Variants in WDR72 observed in about 807,000 individuals in gnomAD.
The protein encoded by WDR72 is WD repeat domain 72.
A neutral mutation model predicts 124.2 loss-of-function variants in WDR72; 120 were observed. That is an observed-to-expected ratio of 0.97 (90% CI 0.83 to 1.12). The LOEUF (loss-of-function observed/expected upper bound fraction) is 1.12, where lower values mean the gene tolerates loss of function less well. Ranked by LOEUF, WDR72 falls within the 50% of genes most tolerant of loss-of-function variation. The probability of loss-of-function intolerance (pLI) is 0.00; values close to 1 mark genes in which losing one functional copy is unlikely to be tolerated. For missense variants in WDR72, 1,387 were observed against 1,278.8 expected, an observed-to-expected ratio of 1.08 and a Z score of -1.29; for synonymous variants, 452 against 441.7, an observed-to-expected ratio of 1.02 and a Z score of -0.29.
chr15:53,713,411 G>GTATTTTATTTTATTTTGTTTTATTT lies in WDR72; in HGVS notation c.592-521_592-520insAAATAAAACAAAATAAAATAAAATA, dbSNP rs1477955319. On this transcript the variant is annotated intron_variant, in intron 6 of 19. Transcript: ENST00000360509. ...GTATTTTATTTTATTTTATTTTGTT[G>GTATTTTATTTTATTTTGTTTTATTT]TATTTTATTTTATTTTATTTTATTT... 1.0e-3 allele frequency among the ~76,000 whole-genome samples: 89 copies of GTATTTTATTTTATTTTGTTTTATTT among 88,694 alleles called. 2 individuals carry two copies. The highest frequency in any genetic ancestry group is 4.2e-3 in the South Asian group (11 of 2,620). 58.2% of individuals were successfully genotyped at this position (88,694 alleles called of 152,430 possible).
intron 18 of WDR72, among the ~76,000 whole-genome samples, chr15:53,568,926 C>CTA (rs533676296): frequency 6.6e-6 from 1 of 151,860 alleles, no homozygotes; most frequent in African/African-American, 2.4e-5. Context: ...ACGATATATA[C>CTA]TATATATATG....
intron 14 of WDR72, among the ~76,000 whole-genome samples, chr15:53,652,510 A>C (rs1225474476): frequency 6.6e-6 from 1 of 152,136 alleles, no homozygotes; most frequent in Non-Finnish European, 1.5e-5. Flanking sequence ...ATGAAACATA[A>C]ATCAGCCCTC....
intron 18 of WDR72, among the ~76,000 whole-genome samples, chr15:53,572,525 A>C (rs1011283236): frequency 6.6e-6 from 1 of 152,240 alleles, no homozygotes; most frequent in Admixed American, 6.5e-5. Context: ...AGGGCTAGGC[A>C]AAAGTTTGTT....
chr15:53,711,919 C>T (rs2017550785), intron 7 of WDR72, among the ~76,000 whole-genome samples: 1 of 152,048 alleles, frequency 6.6e-6, no homozygotes, highest in Non-Finnish European at 1.5e-5. Context: ...TTAACTGAGC[C>T]AGTTATAAAA....
intron 19 of WDR72, among the ~76,000 whole-genome samples, chr15:53,519,615 T>A (rs1891670874): frequency 6.6e-6 from 1 of 152,106 alleles, no homozygotes; most frequent in Admixed American, 6.6e-5. Context: ...CACTTTTCCC[T>A]ATCAGACAAG....
At chr15:53,626,506 GC>G (rs1418884210) in intron 14 of WDR72, among the ~76,000 whole-genome samples, 2 of 152,212 alleles carry the variant, frequency 1.3e-5, no homozygotes, top group South Asian at 4.1e-4. Flanking sequence ...CTCAGCTCCA[GC>G]CGTAACAAAC....
At chr15:53,545,373 T>C (rs1028205789) in intron 18 of WDR72, among the ~76,000 whole-genome samples, 4 of 149,462 alleles carry the variant, frequency 2.7e-5, no homozygotes, top group African/African-American at 1.0e-4. Context: ...TCTGCAACTA[T>C]CTGATCTTTG....
intron 13 of WDR72, among the ~76,000 whole-genome samples, chr15:53,694,130 C>T (rs1319264397): frequency 6.6e-6 from 1 of 152,116 alleles, no homozygotes; most frequent in Admixed American, 6.6e-5. Flanking sequence ...CCTCCTGGAG[C>T]CCAGCAGTAC....
intron 1 of WDR72, among the ~76,000 whole-genome samples, chr15:53,756,359 G>A (rs1258964051): frequency 1.3e-5 from 2 of 152,204 alleles, no homozygotes; most frequent in African/African-American, 2.4e-5. Context: ...GGAAATGTGA[G>A]TCAGTTAAAC....
At chr15:53,730,872 G>T (rs1269682210) in intron 2 of WDR72, among the ~76,000 whole-genome samples, 6 of 152,124 alleles carry the variant, frequency 3.9e-5, no homozygotes, top group Non-Finnish European at 8.8e-5. Context: ...AAGAGGATTT[G>T]TTGAGAACTG....
At chr15:53,637,689 T>C (rs1449448764) in intron 14 of WDR72, among the ~76,000 whole-genome samples, 1 of 152,152 alleles carries the variant, frequency 6.6e-6, no homozygotes, top group Non-Finnish European at 1.5e-5. Flanking sequence ...CAAATGGCAA[T>C]CCTTCCCCTC....
chr15:53,598,475 A>G (rs2012886923), intron 17 of WDR72, among the ~76,000 whole-genome samples: 1 of 152,042 alleles, frequency 6.6e-6, no homozygotes, highest in African/African-American at 2.4e-5. Flanking sequence ...GTATTTATGT[A>G]AACAAATTAC....
At chr15:53,745,033 G>GAAAAA (rs2018608616) in intron 1 of WDR72, among the ~76,000 whole-genome samples, 1 of 68,146 alleles carries the variant, frequency 1.5e-5, no homozygotes. Context: ...ATACTTTATT[G>GAAAAA]TAAAAAAAAA....
intron 1 of WDR72, among the ~76,000 whole-genome samples, chr15:53,739,431 T>C (rs1275648036): frequency 6.6e-6 from 1 of 152,158 alleles, no homozygotes; most frequent in African/African-American, 2.4e-5. Flanking sequence ...GAATAAAAGA[T>C]GCTGAGATGT....
At chr15:53,591,424 A>G (rs565420771) in intron 18 of WDR72, among the ~76,000 whole-genome samples, 40 of 152,146 alleles carry the variant, frequency 2.6e-4, no homozygotes, top group Non-Finnish European at 5.0e-4. Flanking sequence ...CCAACACTCC[A>G]TAACCAAAAG....
At position 53,615,838 on chromosome 15, in the gene WDR72, G is replaced by A. The variant is rs1425754840; in HGVS notation, c.2368C>T (p.Leu790Phe). 1.2e-6 allele frequency: 2 copies of A among 1,613,608 alleles called. No homozygotes were observed. Among genetic ancestry groups the A allele is most frequent in the Non-Finnish European group, 1.7e-6 (2 of 1,179,652 alleles). Residue 790 changes from leucine (L) to phenylalanine (F), a missense_variant, in exon 15 of 20, where the codon CTC becomes TTC. Coordinates refer to ENST00000360509, the MANE Select transcript of WDR72 (RefSeq NM_182758.4). ...AACAATTTTGCTGTGTCTATTGTGA[G>A]ACTGGCATCTACTTTTCTTGATGGC... ...PKPSRKVDAS[L>F]TIDTAKLFLS...
chr15:53,653,417 G>A (rs951622239), intron 14 of WDR72, among the ~76,000 whole-genome samples: 5 of 152,166 alleles, frequency 3.3e-5, no homozygotes, highest in African/African-American at 1.2e-4. Context: ...GCTGCTACCT[G>A]CATAATGGTA....
intron 18 of WDR72, among the ~76,000 whole-genome samples, chr15:53,537,991 T>A (rs1330040681): frequency 6.6e-6 from 1 of 152,182 alleles, no homozygotes; most frequent in Non-Finnish European, 1.5e-5. Context: ...GTAATTCTTT[T>A]TTCTTATCAA....
intron 1 of WDR72, among the ~76,000 whole-genome samples, chr15:53,752,012 T>G (rs918989501): frequency 1.3e-5 from 2 of 152,210 alleles, no homozygotes; most frequent in African/African-American, 4.8e-5. Flanking sequence ...TCTCAAAATC[T>G]GTACATAAAT....
Sources: allele counts gnomAD v4.1 joint callset (sites outside exome capture counted in the v4.1 genomes callset), GRCh38; gene constraint gnomAD v4.1.1; transcripts MANE v1.5; gene names NCBI Gene and HGNC (gene_info 2026-07-23, HGNC 2026-07-21).